The following PCTP variants were observed in gnomAD, a reference collection of about 807,000 sequenced individuals.
PCTP encodes START domain-containing protein 2.
A neutral mutation model predicts 31.0 loss-of-function variants in PCTP; 27 were observed. The ratio of observed to expected loss-of-function variants is 0.87; its 90% confidence interval spans 0.64 to 1.20. PCTP has a LOEUF of 1.20. Ranked by LOEUF, PCTP falls within the 50% of genes most tolerant of loss-of-function variation. The probability of loss-of-function intolerance (pLI) is 0.00; values close to 1 mark genes in which losing one functional copy is unlikely to be tolerated. For synonymous variants in PCTP, 108 were observed against 101.2 expected (o/e 1.07, Z -0.40); for missense variants, 287 against 268.2 (o/e 1.07, Z -0.49).
chr17:55,819,009 T>TAAAAAAAAAAAAA (rs1913021483), intron 3 of PCTP, among the ~76,000 whole-genome samples: 1 of 2,042 alleles, frequency 4.9e-4, no homozygotes, highest in Admixed American at 5.0e-3. Flanking sequence ...TGGAAAGAAA[T>TAAAAAAAAAAAAA]CAAAAAAAAA....
chr17:55,811,369 T>G (rs982173710), intron 3 of PCTP, among the ~76,000 whole-genome samples: 9 of 152,208 alleles, frequency 5.9e-5, no homozygotes, highest in Non-Finnish European at 8.8e-5. Context: ...TTATCTCATT[T>G]AATCCTGACA....
intron 3 of PCTP, among the ~76,000 whole-genome samples, chr17:55,818,228 T>C (rs1421729613): frequency 6.6e-6 from 1 of 152,086 alleles, no homozygotes. Flanking sequence ...TGATTCAGCA[T>C]GTCTTGGGTG....
chr17:55,799,239 A>G (rs1046299835), intron 3 of PCTP, among the ~76,000 whole-genome samples: 1 of 152,092 alleles, frequency 6.6e-6, no homozygotes, highest in Non-Finnish European at 1.5e-5. Context: ...AGAGAAGCAC[A>G]ACTATTTGCT....
the PCTP span, among the ~76,000 whole-genome samples, chr17:55,849,746 A>G: frequency 4.7e-3 from 713 of 152,330 alleles, 11 homozygotes; most frequent in East Asian, 0.029. Context: ...AAGACCAAAC[A>G]TAGACATAGA....
In PCTP at chr17:55,777,198, A is replaced by T; in HGVS notation, c.*1098A>T. On this transcript the variant is annotated 3_prime_UTR_variant, in exon 6 of 6. Coordinates refer to ENST00000268896, the MANE Select transcript of PCTP (RefSeq NM_021213.4). ...CTATGTCAAAGGCACAGCCTTGATG[A>T]TCTCAGGGAAAAATTTTAATCACTG... The T allele has an allele frequency of 1.0e-6, 1 of 985,084 alleles. No homozygotes were observed. Among genetic ancestry groups the T allele is most frequent in the Non-Finnish European group, 1.2e-6 (1 of 829,224 alleles). The allele number at this position is 985,084 out of a possible 1,614,324, so 61.0% of individuals were successfully genotyped here.
At chr17:55,814,058 A>C (rs916036432) in intron 3 of PCTP, among the ~76,000 whole-genome samples, 3 of 151,988 alleles carry the variant, frequency 2.0e-5, no homozygotes, top group Admixed American at 2.0e-4. Context: ...TGTGTCAAAA[A>C]AAAAAAAAAG....
At chr17:55,771,343 G>T in intron 3 of PCTP, 158 bp downstream of exon 3, 1 of 646,254 alleles carries the variant, frequency 1.5e-6, no homozygotes, top group Non-Finnish European at 2.7e-6. Flanking sequence ...ATTGCTTCTT[G>T]TATGGTGTTT....
At chr17:55,798,778 A>G (rs1360913977) in intron 3 of PCTP, among the ~76,000 whole-genome samples, 1 of 151,972 alleles carries the variant, frequency 6.6e-6, no homozygotes, top group Non-Finnish European at 1.5e-5. Flanking sequence ...GAAAAAAGAA[A>G]AATGCAGAAA....
intron 2 of PCTP, 84 bp from the exon 3 acceptor site, chr17:55,771,022 C>A: frequency 9.8e-7 from 1 of 1,016,490 alleles, no homozygotes; most frequent in Non-Finnish European, 1.5e-6. Context: ...CATGAGCCAC[C>A]ATGCTTGGCC....
intron 2 of PCTP, among the ~76,000 whole-genome samples, chr17:55,783,741 A>G (rs549230416): frequency 6.6e-6 from 1 of 152,158 alleles, no homozygotes; most frequent in Non-Finnish European, 1.5e-5. Context: ...AAAGCTTCCA[A>G]GTAGGAGTTC....
chr17:55,792,608 A>G lies in PCTP; in HGVS notation c.317+4954A>G, dbSNP rs139032100. ...AGCAGTCAGCAGGTACTTCTTAGAG[A>G]TAATTCGTGGATACCTGGGGAGGTG... On this transcript the variant is annotated intron_variant, in intron 3 of 3. Coordinates refer to the PCTP transcript ENST00000572536. Among the ~76,000 whole-genome samples the G allele has an allele frequency of 5.0e-3, 762 of 152,240 alleles. 8 individuals carry two copies. Among genetic ancestry groups the G allele is most frequent in the African/African-American group, 0.017 (702 of 41,556 alleles).
At chr17:55,850,939 T>C in the PCTP span, among the ~76,000 whole-genome samples, 9 of 152,334 alleles carry the variant, frequency 5.9e-5, 1 homozygote, top group South Asian at 1.9e-3. Context: ...AGAGGGTTGT[T>C]GCTTTTTAAT....
At chr17:55,794,427 C>T (rs1251593037) in intron 3 of PCTP, among the ~76,000 whole-genome samples, 4 of 151,602 alleles carry the variant, frequency 2.6e-5, no homozygotes, top group Admixed American at 6.6e-5. Context: ...TTGTTTAACC[C>T]GTCTCTTGTT....
chr17:55,786,310 T>C (rs774863154), intron 2 of PCTP, among the ~76,000 whole-genome samples: 7 of 152,110 alleles, frequency 4.6e-5, no homozygotes, highest in Admixed American at 1.3e-4. Context: ...AAAATAGCCA[T>C]GTGTGATAGA....
chr17:55,803,836 C>G (rs1912475050), intron 3 of PCTP, among the ~76,000 whole-genome samples: 1 of 146,572 alleles, frequency 6.8e-6, no homozygotes, highest in Non-Finnish European at 1.5e-5. Context: ...AAAGCAATTG[C>G]AACAAAAGCC....
downstream of PCTP, among the ~76,000 whole-genome samples, chr17:55,779,073 C>T (rs1392617206): frequency 2.0e-5 from 3 of 152,304 alleles, no homozygotes; most frequent in Middle Eastern, 6.8e-3. Flanking sequence ...CCATTCAGTT[C>T]TCACATTTCT....
At chr17:55,754,909 A>G (rs986058940) in intron 1 of PCTP, among the ~76,000 whole-genome samples, 2 of 152,120 alleles carry the variant, frequency 1.3e-5, no homozygotes, top group Non-Finnish European at 2.9e-5. Context: ...TCTATGTCCA[A>G]TACACACACG....
exon 4 of PCTP, chr17:55,822,802 C>T (rs971626681): frequency 8.1e-7 from 1 of 1,231,386 alleles, no homozygotes; most frequent in Non-Finnish European, 1.0e-6. Flanking sequence ...ATCAGAGAGA[C>T]CTCATCAAGT....
intron 3 of PCTP, among the ~76,000 whole-genome samples, chr17:55,814,858 A>G (rs1206419711): frequency 2.0e-5 from 3 of 152,352 alleles, no homozygotes; most frequent in African/African-American, 7.2e-5. Context: ...GGATTGTGTC[A>G]TAGACAACTC....
Sources: allele counts gnomAD v4.1 joint callset (sites outside exome capture counted in the v4.1 genomes callset), GRCh38; gene constraint gnomAD v4.1.1; transcripts MANE v1.5; gene names NCBI Gene and HGNC (gene_info 2026-07-23, HGNC 2026-07-21).